TSGA10: variants seen among roughly 807,000 people sequenced by gnomAD.
TSGA10 encodes testis-specific gene 10 protein.
A neutral mutation model predicts 96.6 loss-of-function variants in TSGA10; 43 were observed. That is an observed-to-expected ratio of 0.44 (90% CI 0.35 to 0.57). The LOEUF is 0.57. Ranked by LOEUF, TSGA10 falls within the 20% of genes least tolerant of loss-of-function variation. The pLI, the probability that TSGA10 is intolerant of heterozygous loss-of-function variation, is 0.01. For missense variants in TSGA10, 703 were observed against 834.4 expected (o/e 0.84, Z 1.94); for synonymous variants, 229 against 269.9 (o/e 0.85, Z 1.48).
intron 20 of TSGA10, among the ~76,000 whole-genome samples, chr2:99,014,861 C>A (rs1201096402): frequency 6.6e-6 from 1 of 152,110 alleles, no homozygotes; most frequent in African/African-American, 2.4e-5. Context: ...ACTATGAACA[C>A]CTTTACACAT....
At chr2:99,150,479 TCA>T in intron 1 of TSGA10, 2 of 1,463,158 alleles carry the variant, frequency 1.4e-6, no homozygotes, top group Non-Finnish European at 1.8e-6. Flanking sequence ...TTTTTTTTTT[TCA>T]GTAATCAAGT....
At chr2:99,074,057 G>T (rs1199841300) in intron 12 of TSGA10, among the ~76,000 whole-genome samples, 2 of 94,916 alleles carry the variant, frequency 2.1e-5, no homozygotes, top group Non-Finnish European at 3.8e-5. Flanking sequence ...TTGATGCCCC[G>T]GCTGGAGTGC....
chr2:99,145,578 C>T (rs551301141), intron 1 of TSGA10, among the ~76,000 whole-genome samples: 14 of 145,180 alleles, frequency 9.6e-5, no homozygotes, highest in East Asian at 8.4e-4. Context: ...AAAAAAAAGA[C>T]CCTTGTGATT....
chr2:99,108,840 T>C lies in TSGA10; in HGVS notation c.203A>G (p.Tyr68Cys). The stretch of plus-strand genomic sequence containing the variant: ...TGTTTTTTGTAAGTTTACCTGTTCA[T>C]AAAGAAGGAAGATCTTGTCTCTCTC... ...KSERDKIFLLYEQAQEEITRL... is the reference protein window; with the variant it reads ...KSERDKIFLLCEQAQEEITRL... The change falls in exon 7 of 21, where the codon TAT (tyrosine) becomes TGT (cysteine). Residue 68 changes from tyrosine (Y) to cysteine (C), a missense_variant. By Grantham distance (194) the Tyr-to-Cys change is radical. Transcript: ENST00000393483. 2 of 1,566,568 alleles carry C rather than the reference T, an allele frequency of 1.3e-6. No homozygotes were observed.
intron 3 of TSGA10, among the ~76,000 whole-genome samples, chr2:99,118,160 A>G (rs188810334): frequency 6.6e-6 from 1 of 152,000 alleles, no homozygotes; most frequent in Admixed American, 6.6e-5. Flanking sequence ...AAATATATTA[A>G]CTCTTTTAGG....
rs186567254 is a variant in TSGA10, at chr2:99,120,137, T to C, written c.-491-1451A>G. 1.8e-3 allele frequency among the ~76,000 whole-genome samples: 278 copies of C among 152,332 alleles called. 1 individual carries two copies. The highest frequency in any genetic ancestry group is 2.7e-3 in the Non-Finnish European group (182 of 68,012). On this transcript the variant is annotated intron_variant, in intron 2 of 20. Transcript: ENST00000393483. The stretch of plus-strand genomic sequence containing the variant: ...CTAAACAACTTAAAAGACTGTATTG[T>C]CTCATTTCTGTATCAACACATCACT...
At chr2:99,098,462 A>G (rs2090331281) in intron 10 of TSGA10, among the ~76,000 whole-genome samples, 1 of 150,180 alleles carries the variant, frequency 6.7e-6, no homozygotes, top group Non-Finnish European at 1.5e-5. Flanking sequence ...AAAAGAAAAG[A>G]AAAGAAAAGA....
At chr2:99,076,588 T>TAC (rs934150332) in intron 12 of TSGA10, among the ~76,000 whole-genome samples, 1 of 151,882 alleles carries the variant, frequency 6.6e-6, no homozygotes, top group African/African-American at 2.4e-5. Context: ...TATACATATA[T>TAC]ACACACACAC....
At chr2:99,053,006 G>C (rs932291844) in intron 16 of TSGA10, among the ~76,000 whole-genome samples, 4 of 151,970 alleles carry the variant, frequency 2.6e-5, no homozygotes, top group African/African-American at 9.7e-5. Context: ...ATATTGCAGT[G>C]AGCCTTGATG....
chr2:99,107,598 C>T (rs950428352), intron 7 of TSGA10, among the ~76,000 whole-genome samples: 1 of 152,030 alleles, frequency 6.6e-6, no homozygotes, highest in African/African-American at 2.4e-5. Flanking sequence ...TCCTGTAGGT[C>T]TGTAAGTGGA....
intron 1 of TSGA10, among the ~76,000 whole-genome samples, chr2:99,138,894 G>A (rs1453922355): frequency 6.6e-6 from 1 of 152,160 alleles, no homozygotes; most frequent in Non-Finnish European, 1.5e-5. Flanking sequence ...TTAATTGATG[G>A]AGAAAGACAG....
intron 14 of TSGA10, among the ~76,000 whole-genome samples, chr2:99,070,214 A>G (rs2085779235): frequency 6.6e-6 from 1 of 152,178 alleles, no homozygotes; most frequent in African/African-American, 2.4e-5. Context: ...TAATAGCTAT[A>G]AAATATTTAT....
intron 4 of TSGA10, among the ~76,000 whole-genome samples, chr2:99,114,266 C>A (rs991580366): frequency 6.6e-6 from 1 of 152,082 alleles, no homozygotes; most frequent in Non-Finnish European, 1.5e-5. Context: ...GGAATCTCTC[C>A]CACATAAATA....
intron 10 of TSGA10, among the ~76,000 whole-genome samples, chr2:99,098,816 G>C (rs972891956): frequency 2.0e-5 from 3 of 152,100 alleles, no homozygotes; most frequent in Non-Finnish European, 4.4e-5. Context: ...ACTTGCGTAA[G>C]AAGGAAATTC....
intron 16 of TSGA10, among the ~76,000 whole-genome samples, chr2:99,049,660 C>T (rs1258802649): frequency 2.6e-5 from 4 of 151,542 alleles, no homozygotes; most frequent in Non-Finnish European, 1.5e-5. Flanking sequence ...AGCAAACCAC[C>T]ATGACATGTG....
chr2:99,020,452 C>T lies in TSGA10; in HGVS notation c.1645G>A (p.Glu549Lys), dbSNP rs140920035. The T allele has an allele frequency of 6.2e-7, 1 of 1,613,270 alleles. No homozygotes were observed. The highest frequency in any genetic ancestry group is 8.5e-7 in the Non-Finnish European group (1 of 1,179,436). The change falls in exon 18 of 21, where the codon GAA becomes AAA. Residue 549 changes from glutamate to lysine, a missense_variant. Glu to Lys is a moderately conservative substitution (Grantham distance 56). Transcript: ENST00000393483. ...RENELDSAHSEIELLRSQMAN... is the reference protein window; with the variant it reads ...RENELDSAHSKIELLRSQMAN... ...ATCTGACTCCTCAGGAGTTCAATTT[C>T]AGAATGAGCAGAATCTAACTCATTC...
chr2:99,033,784 G>C, intron 17 of TSGA10, among the ~76,000 whole-genome samples: 1 of 152,138 alleles, frequency 6.6e-6, no homozygotes, highest in Non-Finnish European at 1.5e-5. Context: ...AGGCTGCAGT[G>C]AGCCAAGATC....
intron 7 of TSGA10, among the ~76,000 whole-genome samples, chr2:99,106,426 A>G (rs1401236606): frequency 2.6e-5 from 4 of 152,124 alleles, no homozygotes; most frequent in African/African-American, 9.7e-5. Flanking sequence ...CATCTTGAAT[A>G]GTACCCTCTC....
intron 2 of TSGA10, chr2:99,126,644 T>C (rs1471034392): frequency 6.2e-6 from 1 of 162,518 alleles, no homozygotes; most frequent in Non-Finnish European, 1.3e-5. Flanking sequence ...GGAACAATAC[T>C]GAACTTGAAG....
Sources: gnomAD v4.1 joint callset for allele counts (sites outside exome capture counted in the v4.1 genomes callset) on GRCh38, gnomAD v4.1.1 for gene constraint, MANE v1.5 for transcripts, NCBI Gene and HGNC (gene_info 2026-07-23, HGNC 2026-07-21) for gene names.